MS4A18: variants seen among roughly 807,000 people sequenced by gnomAD.
MS4A18 encodes membrane spanning 4-domains A18.
A neutral mutation model predicts 13.1 loss-of-function variants in MS4A18; 27 were observed. The observed-to-expected ratio is 2.06, with a 90% CI of 1.52 to 2.84. MS4A18 has a LOEUF of 2.84. Among genes scored for constraint, MS4A18 ranks in the 30% most tolerant of loss-of-function variants. The pLI is 0.00. For missense variants in MS4A18, 307 were observed against 196.4 expected, an observed-to-expected ratio of 1.56 and a Z score of -3.37; for synonymous variants, 126 against 76.5, an observed-to-expected ratio of 1.65 and a Z score of -3.38.
At chr11:60,739,153 C>T (rs1380987393) in intron 4 of MS4A18, among the ~76,000 whole-genome samples, 156 bp downstream of exon 5, 1 of 152,114 alleles carries the variant, frequency 6.6e-6, no homozygotes, top group Non-Finnish European at 1.5e-5. Flanking sequence ...AACCCTGTGC[C>T]CTCTGAGGTG....
chr11:60,734,059 C>T (rs1366003679), intron 2 of MS4A18, among the ~76,000 whole-genome samples: 3 of 152,182 alleles, frequency 2.0e-5, no homozygotes, highest in South Asian at 2.1e-4. Flanking sequence ...GCCTGGGCAA[C>T]ATGGCAAGAC....
Position 60,742,511 on chromosome 11 carries a change from T to C in MS4A18, c.859-1139T>C, listed in dbSNP as rs112696328. On this transcript the variant is annotated intron_variant, in intron 5 of 5. Transcript: ENST00000529108. ...TTGCTCTAAATCTACCAATGTCTAT[T>C]TTGGGATTAGGCTTCTGTGAGACCA... 6.7e-3 allele frequency among the ~76,000 whole-genome samples: 1,016 copies of C among 152,300 alleles called. 8 individuals are homozygous for C. The highest frequency in any genetic ancestry group is 0.023 in the African/African-American group (972 of 41,566).
rs939386287 is a variant in MS4A18 at position 60,730,108 on chromosome 11, C to T, written c.477+316C>T. 2.2e-4 allele frequency among the ~76,000 whole-genome samples: 33 copies of T among 152,226 alleles called. 1 individual carries two copies. Among genetic ancestry groups the T allele is most frequent in the Admixed American group, 2.0e-3 (31 of 15,288 alleles). On this transcript the variant is annotated intron_variant, in intron 1 of 5. Transcript: ENST00000529108. Reference sequence around the variant, plus strand: ...AAAGACCACTGAGCAGGGAGTCAGGCAATCCAGGTCTCAGGCCAGCTAGAT... The same window carrying T: ...AAAGACCACTGAGCAGGGAGTCAGGTAATCCAGGTCTCAGGCCAGCTAGAT...
intron 4 of MS4A18, among the ~76,000 whole-genome samples, chr11:60,740,119 T>C (rs55738317): frequency 0.18 from 27,670 of 152,182 alleles, 3,203 homozygotes; most frequent in African/African-American, 0.33. Flanking sequence ...TGTGTTCATG[T>C]GGAACCAAGA....
intron 2 of MS4A18, among the ~76,000 whole-genome samples, chr11:60,734,160 G>C (rs557308589): frequency 6.6e-6 from 1 of 152,154 alleles, no homozygotes; most frequent in Non-Finnish European, 1.5e-5. Context: ...GGATGCTGAG[G>C]TGGAAGGATC....
chr11:60,734,986 T>C (rs1643871706), intron 2 of MS4A18, among the ~76,000 whole-genome samples: 1 of 151,972 alleles, frequency 6.6e-6, no homozygotes, highest in African/African-American at 2.4e-5. Flanking sequence ...TTTTGCCATG[T>C]TGGCCAGCCT....
In MS4A18 at chr11:60,732,973, G is replaced by A. The variant is rs895607906; in HGVS notation, c.478-561G>A. 7.2e-5 allele frequency among the ~76,000 whole-genome samples: 11 copies of A among 152,204 alleles called. No individual in the cohort carries two copies. The South Asian group carries it at 1.2e-3, about 17-fold the overall frequency. ...TTCTAAACAGAACTAACATCGAATG[G>A]TCTGAATCATCAGAATCATCTATTT... On this transcript the variant is annotated intron_variant, in intron 1 of 5. Transcript: ENST00000529108.
chr11:60,726,522 C>G (rs1355206530), upstream of MS4A18, among the ~76,000 whole-genome samples: 2 of 152,024 alleles, frequency 1.3e-5, no homozygotes, highest in African/African-American at 4.8e-5. Flanking sequence ...GATCCTTGCC[C>G]CTGGACTTTC....
chr11:60,729,049 C>T (rs58280280), upstream of MS4A18, among the ~76,000 whole-genome samples: 15,855 of 152,210 alleles, frequency 0.1, 855 homozygotes, highest in South Asian at 0.16. Context: ...GGGGGCTAAG[C>T]AAAGCCACCA....
At chr11:60,732,876 C>G (rs1200171730) in intron 1 of MS4A18, among the ~76,000 whole-genome samples, 2 of 152,108 alleles carry the variant, frequency 1.3e-5, no homozygotes, top group Non-Finnish European at 2.9e-5. Context: ...CTCAAACATG[C>G]TCTTGAGGCT....
intron 3 of MS4A18, among the ~76,000 whole-genome samples, chr11:60,738,644 A>G (rs1334926266): frequency 6.6e-6 from 1 of 152,106 alleles, no homozygotes; most frequent in African/African-American, 2.4e-5. Context: ...AATAATCTCT[A>G]CAACAAACCC....
At chr11:60,725,187 T>C (rs778991332), upstream of MS4A18, among the ~76,000 whole-genome samples, 5 of 152,140 alleles carry the variant, frequency 3.3e-5, no homozygotes, top group South Asian at 4.1e-4. Flanking sequence ...ATGGAACCAC[T>C]CTTTTTTTTC....
chr11:60,727,292 T>C (rs868816575), upstream of MS4A18, among the ~76,000 whole-genome samples: 2 of 152,170 alleles, frequency 1.3e-5, no homozygotes, highest in Non-Finnish European at 2.9e-5. Flanking sequence ...GGCAGTTTTC[T>C]CAATCTTCAA....
At chr11:60,734,160 G>A (rs557308589) in intron 2 of MS4A18, among the ~76,000 whole-genome samples, 2 of 152,270 alleles carry the variant, frequency 1.3e-5, no homozygotes, top group South Asian at 4.2e-4. Context: ...GGATGCTGAG[G>A]TGGAAGGATC....
chr11:60,726,055 T>C (rs1853157362), upstream of MS4A18, among the ~76,000 whole-genome samples: 1 of 152,208 alleles, frequency 6.6e-6, no homozygotes, highest in Admixed American at 6.5e-5. Context: ...TGGTAGAACA[T>C]TTCTTCTGGG....
At chr11:60,732,941 G>A (rs951899844) in intron 1 of MS4A18, among the ~76,000 whole-genome samples, 14 of 152,190 alleles carry the variant, frequency 9.2e-5, no homozygotes, top group East Asian at 3.9e-4. Flanking sequence ...ACCTTTCTTC[G>A]AGTTATTTCT....
chr11:60,739,974 G>T (rs1320365391), intron 4 of MS4A18, among the ~76,000 whole-genome samples: 1 of 152,184 alleles, frequency 6.6e-6, no homozygotes, highest in Non-Finnish European at 1.5e-5. Flanking sequence ...AGTCCCTAAG[G>T]GGAGAGCTCC....
rs1853451241 is a variant in MS4A18, at chr11:60,744,093, A to G, written c.*99A>G. ...TCTTCTCCCTGAAACTTCCATGACC[A>G]TGACCCTAGCCTTGTTGCCAGACTG... is the stretch of plus-strand genomic sequence containing the variant. On this transcript the variant is annotated 3_prime_UTR_variant, in exon 6 of 6. Transcript: ENST00000529108. 7 of 640,142 alleles carry G rather than the reference A, an allele frequency of 1.1e-5. No individual in the cohort carries two copies. The South Asian group carries it at 1.3e-4, about 11-fold the overall frequency. The allele number at this position is 640,142 out of a possible 1,614,324, so 39.7% of individuals were successfully genotyped here.
At chr11:60,737,088 A>T (rs1021221782) in intron 3 of MS4A18, 54 bp downstream of exon 4, 1 of 699,252 alleles carries the variant, frequency 1.4e-6, no homozygotes, top group African/African-American at 1.8e-5. Flanking sequence ...TTGACTCTCT[A>T]CCAAACATGA....
Sources: gnomAD v4.1 joint callset for allele counts (sites outside exome capture counted in the v4.1 genomes callset) on GRCh38, gnomAD v4.1.1 for gene constraint, MANE v1.5 for transcripts, NCBI Gene and HGNC (gene_info 2026-07-23, HGNC 2026-07-21) for gene names.